SNX9: variants seen among roughly 807,000 people sequenced by gnomAD.
The protein encoded by SNX9 is sorting nexin-9.
In SNX9, 44 loss-of-function variants were observed where a neutral mutation model predicts 89.4. The observed-to-expected ratio is 0.49, with a 90% CI of 0.39 to 0.63. The LOEUF (loss-of-function observed/expected upper bound fraction) is 0.63, where lower values mean the gene tolerates loss of function less well. SNX9 is among the 30% of genes least tolerant of loss of function. The pLI, the probability that SNX9 is intolerant of heterozygous loss-of-function variation, is 0.00. For missense variants in SNX9, 578 were observed against 736.1 expected (o/e 0.79, Z 2.49); for synonymous variants, 236 against 247.8 (o/e 0.95, Z 0.45).
intron 1 of SNX9, among the ~76,000 whole-genome samples, chr6:157,832,149 T>G: frequency 6.6e-6 from 1 of 152,346 alleles, no homozygotes; most frequent in East Asian, 1.9e-4. Context: ...TTCTAAGTTA[T>G]TTGTAGTATC....
chr6:157,873,701 A>G (rs1201427406), intron 3 of SNX9, among the ~76,000 whole-genome samples: 1 of 151,670 alleles, frequency 6.6e-6, no homozygotes, highest in Non-Finnish European at 1.5e-5. Context: ...GCTGCCATCT[A>G]TAATATTGTT....
At position 157,858,325 on chromosome 6, in the gene SNX9, C is replaced by T. The variant is rs769693016; in HGVS notation, c.13-9222C>T. On this transcript the variant is annotated intron_variant, in intron 1 of 17. Coordinates refer to ENST00000392185, the MANE Select transcript of SNX9 (RefSeq NM_016224.5). ...GCAATGGCGCAATCTCGGCTCACCG[C>T]AGCCTCCACCACCCGGGTTCAAGTG... Among the ~76,000 whole-genome samples, 94 of 151,500 alleles carry T rather than the reference C, an allele frequency of 6.2e-4. 1 individual carries two copies. The highest frequency in any genetic ancestry group is 1.2e-3 in the Non-Finnish European group (80 of 67,886).
At chr6:157,930,780 T>C (rs985607515) in intron 12 of SNX9, among the ~76,000 whole-genome samples, 1 of 152,120 alleles carries the variant, frequency 6.6e-6, no homozygotes, top group Admixed American at 6.6e-5. Flanking sequence ...GCCAGAAAGG[T>C]TGGGGACCGT....
intron 1 of SNX9, among the ~76,000 whole-genome samples, chr6:157,832,872 A>G: frequency 6.6e-6 from 1 of 152,196 alleles, no homozygotes; most frequent in Non-Finnish European, 1.5e-5. Context: ...TCTGTTACTT[A>G]GTACTTTGAG....
chr6:157,884,018 G>T (rs958941708), intron 4 of SNX9, among the ~76,000 whole-genome samples: 2 of 152,010 alleles, frequency 1.3e-5, no homozygotes, highest in Non-Finnish European at 2.9e-5. Context: ...TACAATGTAA[G>T]GTATTAAAAG....
chr6:157,845,435 C>T, intron 1 of SNX9, among the ~76,000 whole-genome samples: 1 of 152,062 alleles, frequency 6.6e-6, no homozygotes, highest in Non-Finnish European at 1.5e-5. Flanking sequence ...TGTTGTCTCA[C>T]TTACACTTAT....
chr6:157,927,930 AACACACAC>A (rs71689763), intron 11 of SNX9, among the ~76,000 whole-genome samples: 72 of 148,988 alleles, frequency 4.8e-4, no homozygotes, highest in African/African-American at 1.7e-3. Context: ...ATAGACAAGT[AACACACAC>A]ACACACACAC....
chr6:157,889,169 G>A (rs192964116), intron 4 of SNX9, among the ~76,000 whole-genome samples: 16 of 152,196 alleles, frequency 1.1e-4, no homozygotes, highest in African/African-American at 2.9e-4. Flanking sequence ...AGTGGCTCAC[G>A]CCTGTAATCC....
chr6:157,869,659 A>G (rs969977042), intron 2 of SNX9, among the ~76,000 whole-genome samples: 3 of 152,110 alleles, frequency 2.0e-5, no homozygotes, highest in Non-Finnish European at 2.9e-5. Context: ...CCTCAAGCCC[A>G]GGGTCTGTCT....
rs755906785 is a variant in SNX9 at position 157,855,040 on chromosome 6, C to T, written c.13-12507C>T. Among the ~76,000 whole-genome samples, 7 of 151,652 alleles carry T rather than the reference C, an allele frequency of 4.6e-5. No individual in the cohort carries two copies. The East Asian group carries it at 1.4e-3, about 29-fold the overall frequency. ...TTTCCTATCTCTCCTCTCCTTTAGC[C>T]ATCTTCTTTCCTCAGGGGCAGTGTT... On this transcript the variant is annotated intron_variant, in intron 1 of 17. Transcript: ENST00000392185.
intron 1 of SNX9, among the ~76,000 whole-genome samples, chr6:157,826,117 T>C (rs1387851974): frequency 6.6e-6 from 1 of 152,182 alleles, no homozygotes; most frequent in East Asian, 1.9e-4. Flanking sequence ...TATTGGGATT[T>C]TTAAAAACTC....
chr6:157,925,480 A>G (rs773446098), intron 10 of SNX9, among the ~76,000 whole-genome samples: 2 of 152,080 alleles, frequency 1.3e-5, no homozygotes, highest in Non-Finnish European at 2.9e-5. Flanking sequence ...ACTCCTGGAT[A>G]TGTACTGAAT....
At chr6:157,873,958 C>T (rs189337609) in intron 3 of SNX9, among the ~76,000 whole-genome samples, 35 of 152,278 alleles carry the variant, frequency 2.3e-4, no homozygotes, top group African/African-American at 6.3e-4. Context: ...CCAAACCGAG[C>T]GAAGGTTCTT....
intron 9 of SNX9, among the ~76,000 whole-genome samples, chr6:157,910,271 C>G (rs1783311295): frequency 6.6e-6 from 1 of 152,182 alleles, no homozygotes; most frequent in Non-Finnish European, 1.5e-5. Flanking sequence ...GTCTGGAATT[C>G]CAGCAGTCAT....
chr6:157,903,200 A>C (rs1282567901), intron 6 of SNX9, among the ~76,000 whole-genome samples: 1 of 151,680 alleles, frequency 6.6e-6, no homozygotes, highest in East Asian at 1.9e-4. Context: ...CTTTTTCCCA[A>C]TATTCCAATT....
chr6:157,910,081 TATC>T, intron 9 of SNX9, 56 bp downstream of exon 9: 1 of 1,357,020 alleles, frequency 7.4e-7, no homozygotes. Context: ...CCAGTCAGAT[TATC>T]TTCCTGTAAG....
At chr6:157,910,927 C>T (rs1399739353) in intron 9 of SNX9, among the ~76,000 whole-genome samples, 1 of 152,038 alleles carries the variant, frequency 6.6e-6, no homozygotes, top group Non-Finnish European at 1.5e-5. Flanking sequence ...CGAGACCATC[C>T]AGGCTAACAC....
At position 157,909,668 on chromosome 6, in the gene SNX9, G is replaced by A; in HGVS notation, c.709G>A (p.Gly237Arg). The A allele has an allele frequency of 6.2e-7, 1 of 1,613,572 alleles. No homozygotes were observed. The highest frequency in any genetic ancestry group is 2.2e-5 in the East Asian group (1 of 44,876). The change falls in exon 8 of 18, where the codon GGA becomes AGA. Residue 237 changes from glycine to arginine, a missense_variant. Coordinates refer to ENST00000392185, the MANE Select transcript of SNX9 (RefSeq NM_016224.5). ...TCTTTCTGGAACATTGGCATAGGTT[G>A]GAGATTATGGCCCAATGTGGGTTTA... ...KPKEKIPIIVGDYGPMWVYPT... is the reference protein window; with the variant it reads ...KPKEKIPIIVRDYGPMWVYPT...
intron 10 of SNX9, chr6:157,924,812 A>G (rs1783655852): frequency 1.3e-5 from 2 of 152,224 alleles, no homozygotes; most frequent in African/African-American, 4.8e-5. Context: ...GTTGGTAATT[A>G]TCGAAGCTGA....
Sources: gnomAD v4.1 joint callset for allele counts (sites outside exome capture counted in the v4.1 genomes callset) on GRCh38, gnomAD v4.1.1 for gene constraint, MANE v1.5 for transcripts, NCBI Gene and HGNC (gene_info 2026-07-23, HGNC 2026-07-21) for gene names.